Variants in PEX7 observed in about 807,000 individuals in gnomAD.
The protein encoded by PEX7 is peroxisomal biogenesis factor 7.
In PEX7, 34 loss-of-function variants were observed where a neutral mutation model predicts 47.5. The ratio of observed to expected loss-of-function variants is 0.72; its 90% CI spans 0.54 to 0.95. The LOEUF is 0.95. Among genes scored for constraint, PEX7 ranks in the 40% least tolerant of loss-of-function variants. The pLI is 0.00. For synonymous variants in PEX7, 141 were observed against 148.8 expected, an observed-to-expected ratio of 0.95 and a Z score of 0.38; for missense variants, 394 against 400.3, an observed-to-expected ratio of 0.98 and a Z score of 0.13.
At chr6:136,877,163 T>C (rs1012179489) in intron 8 of PEX7, among the ~76,000 whole-genome samples, 1 of 152,154 alleles carries the variant, frequency 6.6e-6, no homozygotes, top group South Asian at 2.1e-4. Context: ...GTTCATATCC[T>C]TCACCCACTT....
intron 8 of PEX7, among the ~76,000 whole-genome samples, chr6:136,872,895 T>C (rs2050713): frequency 0.41 from 61,972 of 152,004 alleles, 13,359 homozygotes; most frequent in South Asian, 0.51. Context: ...TGCAAAGCCA[T>C]ACCTTTGAAA....
At chr6:136,850,946 C>A (rs1468255194) in intron 5 of PEX7, among the ~76,000 whole-genome samples, 9 of 75,750 alleles carry the variant, frequency 1.2e-4, no homozygotes, top group African/African-American at 1.5e-4. Flanking sequence ...TTTGCATTGT[C>A]TAAAGATATT....
intron 8 of PEX7, among the ~76,000 whole-genome samples, chr6:136,883,843 C>T (rs1775421453): frequency 6.6e-6 from 1 of 152,160 alleles, no homozygotes; most frequent in Non-Finnish European, 1.5e-5. Context: ...CTGGAATTCT[C>T]CTTTTTCTTG....
intron 3 of PEX7, among the ~76,000 whole-genome samples, chr6:136,840,125 A>T (rs760918419): frequency 5.3e-5 from 8 of 152,242 alleles, no homozygotes; most frequent in Non-Finnish European, 1.2e-4. Context: ...TTGTGCCAAG[A>T]TCAGTGGAAA....
intron 8 of PEX7, among the ~76,000 whole-genome samples, chr6:136,891,135 TG>T (rs1462475097): frequency 1.1e-4 from 17 of 152,366 alleles, no homozygotes; most frequent in Admixed American, 1.1e-3. Flanking sequence ...AGCATCCCTG[TG>T]GATCTCTGCC....
At chr6:136,823,252 C>T (rs919367904) in intron 1 of PEX7, 3 of 985,330 alleles carry the variant, frequency 3.0e-6, no homozygotes, top group African/African-American at 3.5e-5. Context: ...GAGCTGCGAC[C>T]TGCGGGCTGG....
At chr6:136,898,379 G>T in intron 9 of PEX7, 138 bp downstream of exon 9, 1 of 685,780 alleles carries the variant, frequency 1.5e-6, no homozygotes. Context: ...AACTACTAGG[G>T]AATAAGAGGT....
chr6:136,870,767 G>A, intron 7 of PEX7: 1 of 409,018 alleles, frequency 2.4e-6, no homozygotes, highest in East Asian at 9.6e-5. Flanking sequence ...CACGATCTCA[G>A]CTCACTGCAA....
chr6:136,906,697 T>A (rs1582782418), intron 9 of PEX7, among the ~76,000 whole-genome samples: 1 of 152,334 alleles, frequency 6.6e-6, no homozygotes, highest in East Asian at 1.9e-4. Context: ...TGTCATCCAA[T>A]GCAGATGCTA....
intron 7 of PEX7, chr6:136,870,782 T>C (rs1775165391): frequency 7.3e-6 from 3 of 408,776 alleles, no homozygotes; most frequent in South Asian, 3.4e-5. Flanking sequence ...CTGCAACCTC[T>C]GCCTTCTGGG....
chr6:136,902,327 AAG>A (rs1775766222), intron 9 of PEX7, among the ~76,000 whole-genome samples: 1 of 152,172 alleles, frequency 6.6e-6, no homozygotes, highest in Non-Finnish European at 1.5e-5. Flanking sequence ...TCAGTCTTAA[AAG>A]AGATTTATCT....
At position 136,867,503 on chromosome 6, in the gene PEX7, T is replaced by TA. The variant is rs1045275732; in HGVS notation, c.633+781dup. ...GTTTTTAAAAAAAGAGTTTAAAAAG[T>TA]AAAAAAAAAAATTAAATAGAAAAAA... On this transcript the variant is annotated intron_variant, in intron 6 of 9. Coordinates refer to ENST00000318471, the MANE Select transcript of PEX7 (RefSeq NM_000288.4). 3.9e-3 allele frequency among the ~76,000 whole-genome samples: 563 copies of TA among 145,542 alleles called. 1 individual carries two copies. Among genetic ancestry groups the TA allele is most frequent in the African/African-American group, 0.012 (472 of 39,606 alleles).
intron 6 of PEX7, among the ~76,000 whole-genome samples, chr6:136,869,574 A>G (rs975545631): frequency 3.3e-5 from 5 of 152,146 alleles, no homozygotes; most frequent in Non-Finnish European, 5.9e-5. Context: ...TTAATCCCCT[A>G]TGTATTTACT....
At chr6:136,848,250 G>C (rs1427382154) in intron 5 of PEX7, among the ~76,000 whole-genome samples, 2 of 152,162 alleles carry the variant, frequency 1.3e-5, no homozygotes, top group Non-Finnish European at 2.9e-5. Context: ...GGGCTGAGAC[G>C]GTGGGGTTTT....
chr6:136,856,861 C>T (rs1335675790), intron 5 of PEX7, among the ~76,000 whole-genome samples: 1 of 152,196 alleles, frequency 6.6e-6, no homozygotes, highest in East Asian at 1.9e-4. Context: ...AGTACTGGAC[C>T]TGTAAGCTCT....
chr6:136,899,064 G>GT (rs199844269), intron 9 of PEX7, among the ~76,000 whole-genome samples: 1,932 of 125,566 alleles, frequency 0.015, 34 homozygotes, highest in African/African-American at 0.052. Context: ...ATATGTAAGT[G>GT]TTTTTTTTTT....
At chr6:136,844,174 G>A (rs377744740) in intron 3 of PEX7, among the ~76,000 whole-genome samples, 6 of 152,152 alleles carry the variant, frequency 3.9e-5, no homozygotes, top group East Asian at 3.9e-4. Context: ...AGACCAGCCT[G>A]GGGAACATGG....
At chr6:136,909,298 A>G (rs191137831) in intron 9 of PEX7, among the ~76,000 whole-genome samples, 2 of 152,180 alleles carry the variant, frequency 1.3e-5, no homozygotes, top group African/African-American at 4.8e-5. Context: ...TTCTCTAAAT[A>G]TTCCTGAAAT....
At chr6:136,890,281 T>G (rs1775532079) in intron 8 of PEX7, among the ~76,000 whole-genome samples, 1 of 152,240 alleles carries the variant, frequency 6.6e-6, no homozygotes, top group Non-Finnish European at 1.5e-5. Flanking sequence ...TGCACACATG[T>G]GTAAAACAGA....
Sources: gnomAD v4.1 joint callset for allele counts (sites outside exome capture counted in the v4.1 genomes callset) on GRCh38, gnomAD v4.1.1 for gene constraint, MANE v1.5 for transcripts, NCBI Gene and HGNC (gene_info 2026-07-23, HGNC 2026-07-21) for gene names.